The following KHDRBS2 variants were observed in gnomAD, a reference collection of about 807,000 sequenced individuals.
The protein encoded by KHDRBS2 is KH RNA binding domain containing, signal transduction associated 2.
KHDRBS2 carries 26 observed loss-of-function variants against 44.3 expected under a neutral mutation model. That is an observed-to-expected ratio of 0.59 (90% CI 0.43 to 0.81). KHDRBS2 has a LOEUF of 0.81. KHDRBS2 is among the 40% of genes least tolerant of loss of function. KHDRBS2 has a pLI of 0.00. For missense variants in KHDRBS2, 476 were observed against 433.1 expected (o/e 1.10, Z -0.88); for synonymous variants, 194 against 151.1 (o/e 1.28, Z -2.08).
the KHDRBS2 span, among the ~76,000 whole-genome samples, chr6:61,598,665 C>A: frequency 1.3e-5 from 2 of 152,066 alleles, no homozygotes; most frequent in Non-Finnish European, 2.9e-5. Context: ...ATAAACGTTT[C>A]TTTCCTGACC....
intron 1 of KHDRBS2, among the ~76,000 whole-genome samples, chr6:62,181,304 A>G (rs1046885157): frequency 1.9e-4 from 29 of 151,990 alleles, no homozygotes; most frequent in Admixed American, 6.6e-5. Flanking sequence ...ATCTGATAAT[A>G]GATCTGATAT....
chr6:61,716,617 G>A (rs1036743860), intron 7 of KHDRBS2, among the ~76,000 whole-genome samples: 8 of 151,856 alleles, frequency 5.3e-5, no homozygotes, highest in East Asian at 1.9e-4. Context: ...AACGATAGTC[G>A]CTTTAGATAG....
chr6:62,065,210 T>C (rs943663589), intron 2 of KHDRBS2, among the ~76,000 whole-genome samples: 2 of 152,106 alleles, frequency 1.3e-5, no homozygotes, highest in African/African-American at 4.8e-5. Flanking sequence ...TCAACCATTG[T>C]GGAAGTCAGT....
chr6:61,706,208 C>T (rs1280177435), intron 7 of KHDRBS2, among the ~76,000 whole-genome samples: 5 of 151,788 alleles, frequency 3.3e-5, no homozygotes, highest in East Asian at 1.9e-4. Flanking sequence ...CTTTCTACTT[C>T]GGGACCCTCA....
chr6:62,209,958 C>A (rs925373535), intron 1 of KHDRBS2, among the ~76,000 whole-genome samples: 1 of 152,146 alleles, frequency 6.6e-6, no homozygotes, highest in Admixed American at 6.5e-5. Context: ...GGGACTCAGA[C>A]TAGCTTCCTT....
At chr6:62,028,923 ATT>A (rs1045184221) in intron 3 of KHDRBS2, among the ~76,000 whole-genome samples, 1 of 151,904 alleles carries the variant, frequency 6.6e-6, no homozygotes, top group Non-Finnish European at 1.5e-5. Flanking sequence ...AGAAGTGATA[ATT>A]TTTTTTCTTC....
At chr6:62,083,818 T>C (rs1475931376) in intron 2 of KHDRBS2, among the ~76,000 whole-genome samples, 2 of 152,204 alleles carry the variant, frequency 1.3e-5, no homozygotes, top group East Asian at 3.9e-4. Context: ...ATACATACTT[T>C]TGTATTTCAT....
intron 6 of KHDRBS2, among the ~76,000 whole-genome samples, chr6:61,797,007 T>A (rs1785460192): frequency 6.6e-6 from 1 of 152,116 alleles, no homozygotes; most frequent in Non-Finnish European, 1.5e-5. Flanking sequence ...CTAAATAATA[T>A]AAGTGATAAT....
At chr6:62,099,269 T>C (rs1321371380) in intron 2 of KHDRBS2, among the ~76,000 whole-genome samples, 2 of 152,162 alleles carry the variant, frequency 1.3e-5, no homozygotes, top group African/African-American at 4.8e-5. Flanking sequence ...CACAGCTTTG[T>C]TTATGCCAGT....
intron 6 of KHDRBS2, among the ~76,000 whole-genome samples, chr6:61,782,440 G>C (rs1783079058): frequency 6.6e-6 from 1 of 151,816 alleles, no homozygotes; most frequent in African/African-American, 2.4e-5. Flanking sequence ...TATTTTTGCA[G>C]TTCGAGTGGA....
chr6:62,124,349 A>G (rs889678146), intron 2 of KHDRBS2, among the ~76,000 whole-genome samples: 1 of 152,156 alleles, frequency 6.6e-6, no homozygotes, highest in Non-Finnish European at 1.5e-5. Flanking sequence ...AGATGGATAT[A>G]TGGTCCTTGT....
intron 2 of KHDRBS2, among the ~76,000 whole-genome samples, chr6:62,112,111 T>C (rs1347010408): frequency 6.6e-6 from 1 of 152,090 alleles, no homozygotes; most frequent in Non-Finnish European, 1.5e-5. Flanking sequence ...AAAGGCAAGG[T>C]GCCTCAATGG....
At chr6:62,029,231 T>C (rs949204049) in intron 3 of KHDRBS2, among the ~76,000 whole-genome samples, 1 of 151,952 alleles carries the variant, frequency 6.6e-6, no homozygotes, top group African/African-American at 2.4e-5. Context: ...AAAATGTTAG[T>C]AACAGTTGCA....
intron 7 of KHDRBS2, among the ~76,000 whole-genome samples, chr6:61,698,678 T>TC (rs999864645): frequency 5.3e-5 from 8 of 151,990 alleles, no homozygotes; most frequent in South Asian, 4.2e-4. Context: ...ACACCATTTG[T>TC]CCCCCCCTTG....
At chr6:61,782,093 T>C (rs1182870061) in intron 6 of KHDRBS2, among the ~76,000 whole-genome samples, 1 of 152,136 alleles carries the variant, frequency 6.6e-6, no homozygotes, top group Non-Finnish European at 1.5e-5. Flanking sequence ...AGCAAATCAG[T>C]ATGGCAACTA....
intron 6 of KHDRBS2, among the ~76,000 whole-genome samples, chr6:61,801,606 G>A (rs532585115): frequency 4.6e-5 from 7 of 152,130 alleles, no homozygotes; most frequent in East Asian, 1.9e-4. Context: ...TGAAGGTGCC[G>A]CTGCTCCCTA....
chr6:61,856,723 G>A (rs9445513), intron 6 of KHDRBS2, among the ~76,000 whole-genome samples: 23,988 of 151,958 alleles, frequency 0.16, 2,467 homozygotes, highest in East Asian at 0.28. Flanking sequence ...GTCATAGCCT[G>A]TCCTCTTCCT....
intron 3 of KHDRBS2, among the ~76,000 whole-genome samples, chr6:62,026,438 ATTTTTT>A (rs70993194): frequency 2.1e-5 from 3 of 146,148 alleles, no homozygotes; most frequent in African/African-American, 2.5e-5. Flanking sequence ...TATTATTATT[ATTTTTT>A]TTTTTGGAGA....
chr6:61,726,255 T>G (rs534849534), intron 7 of KHDRBS2, among the ~76,000 whole-genome samples: 1 of 152,220 alleles, frequency 6.6e-6, no homozygotes, highest in Admixed American at 6.5e-5. Flanking sequence ...ATAAACGAGA[T>G]ACTAAAGGAA....
Sources: allele counts gnomAD v4.1 joint callset (sites outside exome capture counted in the v4.1 genomes callset), GRCh38; gene constraint gnomAD v4.1.1; transcripts MANE v1.5; gene names NCBI Gene and HGNC (gene_info 2026-07-23, HGNC 2026-07-21).